Variants in SPOPL observed in about 807,000 individuals in gnomAD.
SPOPL encodes speckle type BTB/POZ protein like, also known as speckle-type POZ protein-like.
Under a neutral mutation model 53.8 loss-of-function variants are expected in SPOPL, and 23 were observed. The ratio of observed to expected loss-of-function variants is 0.43; its 90% confidence interval spans 0.31 to 0.61. The LOEUF (loss-of-function observed/expected upper bound fraction) is 0.61. SPOPL is among the 20% of genes least tolerant of loss of function. The pLI, the probability that SPOPL is intolerant of heterozygous loss-of-function variation, is 0.12. For synonymous variants in SPOPL, 164 were observed against 149.7 expected (o/e 1.10, Z -0.70); for missense variants, 442 against 466.9 (o/e 0.95, Z 0.49).
At position 138,569,098 on chromosome 2, in the gene SPOPL, T is replaced by G. The variant is rs1685726852; in HGVS notation, c.*18T>G. The G allele has an allele frequency of 4.4e-6, 7 of 1,606,616 alleles. No individual in the cohort carries two copies. Among genetic ancestry groups the G allele is most frequent in the Non-Finnish European group, 5.9e-6 (7 of 1,176,978 alleles). On this transcript the variant is annotated 3_prime_UTR_variant, in exon 11 of 11. Transcript: ENST00000280098. ...AGTCCTGAAATCTTCCATGAACAGT[T>G]GAAAAATGGAATTGACTTTCACTCC...
intron 1 of SPOPL, among the ~76,000 whole-genome samples, chr2:138,532,160 T>C (rs887340510): frequency 1.3e-5 from 2 of 152,184 alleles, no homozygotes; most frequent in Non-Finnish European, 2.9e-5. Flanking sequence ...CCTCTTGGCT[T>C]CCTGCTGCAT....
At chr2:138,507,152 GT>G (rs1186302305) in intron 1 of SPOPL, among the ~76,000 whole-genome samples, 2 of 149,278 alleles carry the variant, frequency 1.3e-5, no homozygotes, top group Non-Finnish European at 2.9e-5. Flanking sequence ...CCCATAAACT[GT>G]TTGATGATGA....
chr2:138,567,200 A>G (rs781137151), intron 10 of SPOPL, among the ~76,000 whole-genome samples: 3 of 152,194 alleles, frequency 2.0e-5, no homozygotes, highest in Non-Finnish European at 2.9e-5. Flanking sequence ...TAGCATACCC[A>G]TAGGAGCATA....
chr2:138,529,537 T>TCGCGC (rs1558867590), intron 1 of SPOPL, among the ~76,000 whole-genome samples: 2 of 100,030 alleles, frequency 2.0e-5, no homozygotes, highest in Non-Finnish European at 4.5e-5. Context: ...TGTGTGTGTT[T>TCGCGC]GCGTGCGCGC....
chr2:138,566,361 G>A (rs757667939), intron 10 of SPOPL, among the ~76,000 whole-genome samples: 2 of 151,944 alleles, frequency 1.3e-5, no homozygotes, highest in East Asian at 3.9e-4. Flanking sequence ...TTACTCTAAG[G>A]AAATACTTCA....
intron 1 of SPOPL, among the ~76,000 whole-genome samples, chr2:138,544,224 G>C (rs1259340972): frequency 6.6e-6 from 1 of 152,202 alleles, no homozygotes; most frequent in East Asian, 1.9e-4. Flanking sequence ...CAGATGTCCA[G>C]CTGCGTGCTG....
At chr2:138,519,183 G>A (rs938841324) in intron 1 of SPOPL, among the ~76,000 whole-genome samples, 1 of 152,122 alleles carries the variant, frequency 6.6e-6, no homozygotes, top group African/African-American at 2.4e-5. Context: ...TATTTTTGGT[G>A]CTTTATTTTA....
chr2:138,541,364 A>G (rs904949166), intron 1 of SPOPL, among the ~76,000 whole-genome samples: 3 of 152,146 alleles, frequency 2.0e-5, no homozygotes, highest in Admixed American at 6.5e-5. Flanking sequence ...CTGTGAATCC[A>G]TCTGGTCCTG....
chr2:138,536,387 T>A (rs1233241228), intron 1 of SPOPL, among the ~76,000 whole-genome samples: 1 of 151,900 alleles, frequency 6.6e-6, no homozygotes, highest in Non-Finnish European at 1.5e-5. Context: ...CCTCTGATGT[T>A]GCACCTCTGG....
chr2:138,516,545 A>G (rs892568639), intron 1 of SPOPL, among the ~76,000 whole-genome samples: 10 of 152,212 alleles, frequency 6.6e-5, no homozygotes, highest in African/African-American at 2.4e-4. Flanking sequence ...TGATGCTGGT[A>G]GGTTGAAAGT....
rs1004258342 is a variant in SPOPL, at chr2:138,535,605, G to A, written c.-60-14552G>A. ...TTTCAGCATTTTTACTGTGATCCAT[G>A]TGTTTGTGGGTTTCTTTGCATTTAA... On this transcript the variant is annotated intron_variant, in intron 1 of 10. Transcript: ENST00000280098. 1.1e-4 allele frequency among the ~76,000 whole-genome samples: 12 copies of A among 110,184 alleles called. No individual in the cohort carries two copies. The Admixed American group carries it at 1.2e-3, about 11-fold the overall frequency. The allele number at this position is 110,184 out of a possible 152,430, so 72.3% of individuals were successfully genotyped here. A position where few individuals can be genotyped will look rare whatever the true frequency, so the allele number is the denominator to read the frequency against.
intron 1 of SPOPL, among the ~76,000 whole-genome samples, chr2:138,505,278 A>G (rs757477271): frequency 2.0e-5 from 3 of 152,180 alleles, no homozygotes; most frequent in Admixed American, 6.5e-5. Context: ...AGCCTTATAT[A>G]TGATTAAATA....
chr2:138,538,108 G>A (rs1052574922), intron 1 of SPOPL, among the ~76,000 whole-genome samples: 26 of 151,958 alleles, frequency 1.7e-4, no homozygotes, highest in Admixed American at 6.6e-4. Flanking sequence ...TTTTAAATTC[G>A]TCGAGACTTG....
At chr2:138,512,917 A>G (rs1210662509) in intron 1 of SPOPL, among the ~76,000 whole-genome samples, 4 of 152,230 alleles carry the variant, frequency 2.6e-5, no homozygotes, top group Non-Finnish European at 5.9e-5. Context: ...CATGGTGCCA[A>G]GGACTTTATA....
At chr2:138,565,346 AT>A (rs1423170742) in intron 10 of SPOPL, among the ~76,000 whole-genome samples, 2 of 152,126 alleles carry the variant, frequency 1.3e-5, no homozygotes, top group Non-Finnish European at 2.9e-5. Context: ...TACCCTCCAG[AT>A]TTGCTGAGAA....
At position 138,571,958 on chromosome 2, in the gene SPOPL, T is replaced by C. The variant is rs1302501980; in HGVS notation, c.*2878T>C. ...CCTTGAATAGTCATGTGTCATTGTC[T>C]TGAATTGGTAATTGGAGAACCTTGC... On this transcript the variant is annotated 3_prime_UTR_variant, in exon 11 of 11. Transcript: ENST00000280098. 2.0e-5 allele frequency: 3 copies of C among 152,564 alleles called. No individual in the cohort carries two copies. The highest frequency in any genetic ancestry group is 4.4e-5 in the Non-Finnish European group (3 of 68,002). 9.5% of individuals were successfully genotyped at this position (152,564 alleles called of 1,614,324 possible).
At chr2:138,532,420 C>CTTTTTTTT (rs769229731) in intron 1 of SPOPL, among the ~76,000 whole-genome samples, 1 of 53,222 alleles carries the variant, frequency 1.9e-5, no homozygotes, top group African/African-American at 7.2e-5. Context: ...TTTTTGTTCG[C>CTTTTTTTT]TTTTTTTTTT....
rs114146623 is a variant in SPOPL, at chr2:138,533,785, G to C, written c.-60-16372G>C. 7.2e-3 allele frequency among the ~76,000 whole-genome samples: 1,094 copies of C among 152,096 alleles called. 15 individuals are homozygous for C. The highest frequency in any genetic ancestry group is 0.024 in the African/African-American group (1,013 of 41,502). On this transcript the variant is annotated intron_variant, in intron 1 of 10. Transcript: ENST00000280098. ...CCTGAAGCAGTTCAGAGGACTTTTAGCATAAATATGGTAGTATTTCAAAAT... is the reference window on the plus strand; with the variant it reads ...CCTGAAGCAGTTCAGAGGACTTTTACCATAAATATGGTAGTATTTCAAAAT...
chr2:138,520,543 A>G (rs1684534021), intron 1 of SPOPL, among the ~76,000 whole-genome samples: 1 of 152,214 alleles, frequency 6.6e-6, no homozygotes, highest in South Asian at 2.1e-4. Flanking sequence ...TGGAAGTTGT[A>G]GAAGATTTTA....
Sources: allele counts gnomAD v4.1 joint callset (sites outside exome capture counted in the v4.1 genomes callset), GRCh38; gene constraint gnomAD v4.1.1; transcripts MANE v1.5; gene names NCBI Gene and HGNC (gene_info 2026-07-23, HGNC 2026-07-21).